NUP58: variants seen among roughly 807,000 people sequenced by gnomAD.
NUP58 encodes the protein nucleoporin 58.
A neutral mutation model predicts 70.1 loss-of-function variants in NUP58; 17 were observed. The ratio of observed to expected loss-of-function variants is 0.24; its 90% CI spans 0.17 to 0.36. NUP58 has a LOEUF of 0.36. Ranked by LOEUF, NUP58 falls within the 10% of genes least tolerant of loss-of-function variation. The probability of loss-of-function intolerance (pLI) is 1.00; values close to 1 mark genes in which losing one functional copy is unlikely to be tolerated. For synonymous variants in NUP58, 275 were observed against 257.6 expected (o/e 1.07, Z -0.65); for missense variants, 644 against 701.5 (o/e 0.92, Z 0.93).
chr13:25,328,572 T>G (rs1253863128), intron 12 of NUP58, among the ~76,000 whole-genome samples: 1 of 152,012 alleles, frequency 6.6e-6, no homozygotes, highest in Non-Finnish European at 1.5e-5. Context: ...ATTTTTTGTA[T>G]TTTTAGTAGA....
In NUP58 at chr13:25,341,931, AT is replaced by A. The variant is rs2031969939; in HGVS notation, c.*1803del. On this transcript the variant is annotated 3_prime_UTR_variant, in exon 16 of 16. Coordinates refer to ENST00000381736, the MANE Select transcript of NUP58 (RefSeq NM_014089.4). ...GCACACGTATGTGCATGTGCCACAC[AT>A]TTTTTGTATAATGTTGGGTTTGATT... 3 of 152,236 alleles carry A rather than the reference AT, an allele frequency of 2.0e-5. No individual in the cohort carries two copies. Among genetic ancestry groups the A allele is most frequent in the African/African-American group, 7.2e-5 (3 of 41,442 alleles). The allele number at this position is 152,236 out of a possible 1,614,324, so 9.4% of individuals were successfully genotyped here. A position where few individuals can be genotyped will look rare whatever the true frequency, so the allele number is the denominator to read the frequency against.
intron 13 of NUP58, chr13:25,332,781 G>A (rs145381851): frequency 1.0e-6 from 1 of 985,254 alleles, no homozygotes. Context: ...TGGAGTGTAG[G>A]ATTGCATTGT....
rs372147542 is a variant in NUP58 at position 25,331,431 on chromosome 13, A to C, written c.1308A>C (p.Arg436=). ...CTGTTGATGTGTTTGAAACAAGGCG[A>C]GCAGAAGCCAAGAAGTGGCAGAACA... ...GDAVDVFETR[R]AEAKKWQNTP... Residue 436 remains arginine (R), a synonymous_variant, in exon 13 of 16, where the codon CGA becomes CGC. Transcript: ENST00000381736. 6.2e-7 allele frequency: 1 copy of C among 1,614,052 alleles called. No homozygotes were observed. The highest frequency in any genetic ancestry group is 8.5e-7 in the Non-Finnish European group (1 of 1,180,026).
intron 3 of NUP58, among the ~76,000 whole-genome samples, chr13:25,311,535 C>A (rs1048975008): frequency 2.0e-5 from 3 of 151,954 alleles, no homozygotes; most frequent in Non-Finnish European, 4.4e-5. Context: ...GCCACCACGC[C>A]CAGCTAATTT....
Position 25,327,523 on chromosome 13 carries a change from AT to A in NUP58, c.1233+13del. On this transcript the variant is annotated intron_variant, in intron 12 of 15. Transcript: ENST00000381736. Reference sequence around the variant, plus strand: ...CATGAAAATGTAAAGGTAAGTTTTCATTACCCATTTATCTACCTGGATATGT... The same window carrying A: ...CATGAAAATGTAAAGGTAAGTTTTCATACCCATTTATCTACCTGGATATGT... 6.3e-7 allele frequency: 1 copy of A among 1,581,218 alleles called. No homozygotes were observed. The highest frequency in any genetic ancestry group is 8.7e-7 in the Non-Finnish European group (1 of 1,153,086).
At chr13:25,339,230 A>G (rs2031882350) in intron 15 of NUP58, among the ~76,000 whole-genome samples, 1 of 152,140 alleles carries the variant, frequency 6.6e-6, no homozygotes, top group Non-Finnish European at 1.5e-5. Context: ...TCCAAATTTC[A>G]TCTACTTTTG....
In NUP58 at chr13:25,331,430, G is replaced by A. The variant is rs150631608; in HGVS notation, c.1307G>A (p.Arg436Gln). The A allele has an allele frequency of 8.0e-4, 1,299 of 1,614,080 alleles. No homozygotes were observed. The highest frequency in any genetic ancestry group is 9.7e-4 in the Non-Finnish European group (1,144 of 1,179,998). ...GCTGTTGATGTGTTTGAAACAAGGC[G>A]AGCAGAAGCCAAGAAGTGGCAGAAC... ...GDAVDVFETR[R>Q]AEAKKWQNTP... The change falls in exon 13 of 16, where the codon CGA becomes CAA. Residue 436 changes from arginine to glutamine, a missense_variant. By Grantham distance (43) the Arg-to-Gln change is conservative. Around this residue, in one of 4 missense-constraint regions of NUP58, gnomAD observed 132 missense variants for 203.9 expected, o/e 0.65. Coordinates refer to ENST00000381736, the MANE Select transcript of NUP58 (RefSeq NM_014089.4).
chr13:25,302,262 A>G (rs1370856651), intron 1 of NUP58, among the ~76,000 whole-genome samples: 1 of 152,250 alleles, frequency 6.6e-6, no homozygotes, highest in African/African-American at 2.4e-5. Context: ...CATACTGTGG[A>G]GTTTTATGAT....
chr13:25,320,459 C>A, intron 7 of NUP58, 71 bp from the exon 8 acceptor site: 1 of 1,020,546 alleles, frequency 9.8e-7, no homozygotes, highest in Non-Finnish European at 1.5e-6. Flanking sequence ...TACTCTAATA[C>A]TCTATTAAAA....
At chr13:25,325,831 A>G (rs1347231084) in intron 10 of NUP58, among the ~76,000 whole-genome samples, 1 of 152,170 alleles carries the variant, frequency 6.6e-6, no homozygotes, top group Admixed American at 6.5e-5. Context: ...AAGTGCTGGG[A>G]TTACAGATGT....
rs557632697 is a variant in NUP58, at chr13:25,301,644, T to C, written c.-130T>C. ...CCCCTCAGCCTTGCCTTCGCCGCCG[T>C]TGGGGCTGGAAGTTCCCGCCAGGTC... On this transcript the variant is annotated 5_prime_UTR_variant, in exon 1 of 16. Coordinates refer to ENST00000381736, the MANE Select transcript of NUP58 (RefSeq NM_014089.4). The C allele has an allele frequency of 3.8e-5, 18 of 470,512 alleles. No homozygotes were observed. Among genetic ancestry groups the C allele is most frequent in the South Asian group, 9.1e-5 (2 of 22,054 alleles). 29.1% of individuals were successfully genotyped at this position (470,512 alleles called of 1,614,324 possible).
Position 25,313,690 on chromosome 13 carries a change from AG to A in NUP58, c.518del (p.Gly173GlufsTer3). The stretch of plus-strand genomic sequence containing the variant: ...CAACTGCATCAACAGGCCTCTCTTT[AG>A]GGGGAGCCTTAGCTGGTTTGGGAGG... ...TTTASTGLSLGGALAGLGGSL... is the reference protein window; with the variant it reads ...TTTASTGLSLXGALAGLGGSL... On this transcript the variant is annotated frameshift_variant, in exon 5 of 16. Coordinates refer to ENST00000381736, the MANE Select transcript of NUP58 (RefSeq NM_014089.4). LOFTEE classifies it high-confidence loss of function. 6.5e-7 allele frequency: 1 copy of A among 1,532,206 alleles called. No individual in the cohort carries two copies. Among genetic ancestry groups the A allele is most frequent in the Non-Finnish European group, 8.7e-7 (1 of 1,152,756 alleles). The allele number at this position is 1,532,206 out of a possible 1,614,324, so 94.9% of individuals were successfully genotyped here. A position where few individuals can be genotyped will look rare whatever the true frequency, so the allele number is the denominator to read the frequency against.
chr13:25,314,967 T>C (rs1186148915), intron 5 of NUP58, among the ~76,000 whole-genome samples: 1 of 152,184 alleles, frequency 6.6e-6, no homozygotes, highest in Admixed American at 6.5e-5. Context: ...ATCTTAAAAG[T>C]ATGTAGTTCC....
At chr13:25,332,216 G>A in intron 13 of NUP58, 3 of 985,574 alleles carry the variant, frequency 3.0e-6, no homozygotes, top group Non-Finnish European at 3.6e-6. Context: ...GAGCAACTGG[G>A]AAGTTGAACA....
intron 13 of NUP58, 48 bp downstream of exon 13, chr13:25,331,606 A>G: frequency 2.5e-6 from 4 of 1,577,326 alleles, no homozygotes; most frequent in Non-Finnish European, 3.5e-6. Flanking sequence ...AATGCAGAAC[A>G]TTTATGTGCG....
chr13:25,319,814 C>T (rs2031104212), intron 7 of NUP58, among the ~76,000 whole-genome samples: 1 of 152,046 alleles, frequency 6.6e-6, no homozygotes, highest in Admixed American at 6.5e-5. Context: ...TATTTTCTCA[C>T]ATGATTTGTA....
chr13:25,318,042 T>A (rs1386833233), intron 6 of NUP58, among the ~76,000 whole-genome samples: 2 of 151,792 alleles, frequency 1.3e-5, no homozygotes, highest in Non-Finnish European at 2.9e-5. Flanking sequence ...TTTTAAAAAA[T>A]TTTTTGGCCA....
intron 14 of NUP58, among the ~76,000 whole-genome samples, chr13:25,337,738 G>C (rs570911638): frequency 6.6e-6 from 1 of 152,048 alleles, no homozygotes; most frequent in Non-Finnish European, 1.5e-5. Context: ...AGCTATTACG[G>C]TTGTTTAATA....
chr13:25,345,927 T>A (rs1293679849), downstream of NUP58, among the ~76,000 whole-genome samples: 1 of 152,190 alleles, frequency 6.6e-6, no homozygotes, highest in Admixed American at 6.5e-5. Context: ...TTCTACCTAG[T>A]CTATTTGTCA....
Sources: gnomAD v4.1 joint callset for allele counts (sites outside exome capture counted in the v4.1 genomes callset) on GRCh38, gnomAD v4.1.1 for gene constraint, gnomAD v4.1.1 regional missense constraint, MANE v1.5 for transcripts, NCBI Gene and HGNC (gene_info 2026-07-23, HGNC 2026-07-21) for gene names.